Variants in TIAM2 observed in about 807,000 individuals in gnomAD.
TIAM2 encodes rho guanine nucleotide exchange factor TIAM2.
In TIAM2, 80 loss-of-function variants were observed where a neutral mutation model predicts 152.9. The observed-to-expected ratio is 0.52, with a 90% CI of 0.44 to 0.63. TIAM2 has a LOEUF of 0.63. TIAM2 is among the 30% of genes least tolerant of loss of function. The pLI is 0.00. For missense variants in TIAM2, 1,965 were observed against 2,120.1 expected (o/e 0.93, Z 1.44); for synonymous variants, 804 against 838.0 (o/e 0.96, Z 0.70).
chr6:155,109,271 A>G (rs1035242853), intron 2 of TIAM2, among the ~76,000 whole-genome samples: 3 of 152,160 alleles, frequency 2.0e-5, no homozygotes, highest in Non-Finnish European at 4.4e-5. Context: ...GGTGTGAGCC[A>G]CTGCACCCGG....
chr6:155,212,795 G>A (rs773285990), intron 15 of TIAM2, among the ~76,000 whole-genome samples: 62 of 152,104 alleles, frequency 4.1e-4, no homozygotes, highest in Non-Finnish European at 6.9e-4. Context: ...GTCAGTGAGC[G>A]CAGTGGTGAA....
In TIAM2 at chr6:155,183,351, C is replaced by G. The variant is rs1380150671; in HGVS notation, c.2915C>G (p.Ala972Gly). Residue 972 changes from alanine to glycine, a missense_variant, in exon 14 of 27, where the codon GCC becomes GGC. By Grantham distance (60) the Ala-to-Gly change is moderately conservative. Transcript: ENST00000682666. ...AAGAGCGTCGGACTCACTCTGATTG[C>G]CCGGCCTCCGGACACAAAAGCAACC... Reference protein sequence around the residue: ...SEKSVGLTLIARPPDTKATLC... With the variant: ...SEKSVGLTLIGRPPDTKATLC... The G allele has an allele frequency of 6.2e-7, 1 of 1,612,930 alleles. No individual in the cohort carries two copies. Among genetic ancestry groups the G allele is most frequent in the Admixed American group, 1.7e-5 (1 of 59,920 alleles).
intron 9 of TIAM2, among the ~76,000 whole-genome samples, 199 bp from the exon 10 acceptor site, chr6:155,176,617 T>C (rs113089773): frequency 6.6e-6 from 1 of 152,222 alleles, no homozygotes; most frequent in Non-Finnish European, 1.5e-5. Flanking sequence ...ACTTTCACTC[T>C]GCTTCCCATG....
intron 1 of TIAM2, among the ~76,000 whole-genome samples, chr6:155,021,874 G>GCA (rs1195487028): frequency 6.6e-6 from 1 of 152,146 alleles, no homozygotes; most frequent in Non-Finnish European, 1.5e-5. Flanking sequence ...AACACACAGT[G>GCA]CACACATCAG....
At chr6:155,152,045 T>C (rs1779983895) in intron 7 of TIAM2, among the ~76,000 whole-genome samples, 1 of 151,978 alleles carries the variant, frequency 6.6e-6, no homozygotes, top group South Asian at 2.1e-4. Context: ...GGTTTCACCA[T>C]GTTGGTCAGG....
chr6:155,046,331 C>CTTTTTTTT (rs1164422319), intron 1 of TIAM2, among the ~76,000 whole-genome samples: 5 of 80,786 alleles, frequency 6.2e-5, no homozygotes, highest in Non-Finnish European at 8.9e-5. Flanking sequence ...TTGGCTCTGT[C>CTTTTTTTT]TTTTTTTTTT....
chr6:155,037,126 C>T (rs779669206), intron 1 of TIAM2, among the ~76,000 whole-genome samples: 6 of 152,262 alleles, frequency 3.9e-5, no homozygotes, highest in East Asian at 1.9e-4. Flanking sequence ...ACATCTTTGG[C>T]GTTAGCTCTG....
intron 22 of TIAM2, 116 bp downstream of exon 22, chr6:155,251,137 T>A (rs1783631187): frequency 1.2e-6 from 1 of 867,830 alleles, no homozygotes; most frequent in East Asian, 2.5e-5. Flanking sequence ...ATTGCTATAA[T>A]GGTTGGGGAC....
intron 1 of TIAM2, among the ~76,000 whole-genome samples, chr6:155,000,853 G>A (rs1384714720): frequency 2.0e-5 from 3 of 152,160 alleles, no homozygotes; most frequent in African/African-American, 7.2e-5. Flanking sequence ...GTGTGGTGGT[G>A]CACATCTGTA....
rs535132791 is a variant in TIAM2 at position 155,235,863 on chromosome 6, G to A, written c.3169-4667G>A. 1.1e-4 allele frequency among the ~76,000 whole-genome samples: 16 copies of A among 152,234 alleles called. No individual in the cohort carries two copies. In the East Asian group the frequency reaches 2.3e-3, roughly 22 times the overall value. The stretch of plus-strand genomic sequence containing the variant: ...CAAGATACTTTATTTGTAAGATCTC[G>A]TTACTTTAACACTGCATTGTTAGGT... On this transcript the variant is annotated intron_variant, in intron 15 of 26. Transcript: ENST00000682666.
At chr6:155,184,081 C>T (rs139851378) in intron 14 of TIAM2, among the ~76,000 whole-genome samples, 225 of 152,152 alleles carry the variant, frequency 1.5e-3, no homozygotes, top group South Asian at 4.4e-3. Context: ...CTCTGTCTCC[C>T]GGGTTCAAGA....
intron 1 of TIAM2, among the ~76,000 whole-genome samples, chr6:155,074,912 A>G (rs1171780864): frequency 6.9e-6 from 1 of 145,086 alleles, no homozygotes; most frequent in Non-Finnish European, 1.5e-5. Context: ...TGGAGATGGG[A>G]CCTTCTGACC....
intron 4 of TIAM2, among the ~76,000 whole-genome samples, chr6:155,132,327 T>C (rs1451328887): frequency 6.6e-6 from 1 of 150,388 alleles, no homozygotes; most frequent in Non-Finnish European, 1.5e-5. Context: ...TTTGAGTAGA[T>C]TGCTTCAGAT....
intron 2 of TIAM2, among the ~76,000 whole-genome samples, chr6:155,094,857 A>G (rs994190701): frequency 2.0e-5 from 3 of 151,420 alleles, no homozygotes; most frequent in African/African-American, 7.3e-5. Flanking sequence ...TGCTGGGATT[A>G]CAGGCATGAG....
At chr6:155,171,565 TAAAAAACCCC>T (rs1010651312) in intron 9 of TIAM2, among the ~76,000 whole-genome samples, 13 of 151,582 alleles carry the variant, frequency 8.6e-5, no homozygotes, top group African/African-American at 9.7e-5. Context: ...AAAAAAAACC[TAAAAAACCCC>T]AAAAAACCCC....
chr6:155,226,361 A>G (rs1211830273), intron 15 of TIAM2, among the ~76,000 whole-genome samples: 1 of 152,214 alleles, frequency 6.6e-6, no homozygotes, highest in East Asian at 1.9e-4. Flanking sequence ...TCCGCTTTTA[A>G]GTGGAAACAA....
Position 155,090,310 on chromosome 6 carries a change from G to C in TIAM2, c.-187G>C, listed in dbSNP as rs1778272432. ...CCAGGGCTCTGTGTATGAATGACAA[G>C]GATACCTTCAGCCAGCTCATTCTGG... On this transcript the variant is annotated 5_prime_UTR_variant, in exon 2 of 27. Coordinates refer to ENST00000682666, the MANE Select transcript of TIAM2 (RefSeq NM_012454.4). 6.6e-6 allele frequency: 1 copy of C among 152,182 alleles called. No individual in the cohort carries two copies. The highest frequency in any genetic ancestry group is 2.4e-5 in the African/African-American group (1 of 41,446). The allele number at this position is 152,182 out of a possible 1,614,324, so 9.4% of individuals were successfully genotyped here.
chr6:154,999,701 C>A (rs976138854), intron 1 of TIAM2, among the ~76,000 whole-genome samples: 1 of 151,894 alleles, frequency 6.6e-6, no homozygotes, highest in Non-Finnish European at 1.5e-5. Flanking sequence ...GAGACGGAGT[C>A]TCACTCTGTA....
Position 155,209,082 on chromosome 6 carries a change from C to T in TIAM2, c.3065-2122C>T, listed in dbSNP as rs190792115. On this transcript the variant is annotated intron_variant, in intron 14 of 26. Coordinates refer to ENST00000682666, the MANE Select transcript of TIAM2 (RefSeq NM_012454.4). The stretch of plus-strand genomic sequence containing the variant: ...CTCTCCTTTGAAGTGTTTTAAGGGC[C>T]CAGGGAGAATTAACTTGCTTCCTGA... Among the ~76,000 whole-genome samples, 261 of 151,946 alleles carry T rather than the reference C, an allele frequency of 1.7e-3. 2 individuals carry two copies. Among genetic ancestry groups the T allele is most frequent in the Non-Finnish European group, 2.5e-3 (171 of 67,968 alleles).
Sources: gnomAD v4.1 joint callset for allele counts (sites outside exome capture counted in the v4.1 genomes callset) on GRCh38, gnomAD v4.1.1 for gene constraint, MANE v1.5 for transcripts, NCBI Gene and HGNC (gene_info 2026-07-23, HGNC 2026-07-21) for gene names.